The following SUSD1 variants were observed in gnomAD, a reference collection of about 807,000 sequenced individuals.
SUSD1 encodes sushi domain containing 1.
In SUSD1, 65 loss-of-function variants were observed where a neutral mutation model predicts 86.9. The observed-to-expected ratio is 0.75, with a 90% CI of 0.61 to 0.92. SUSD1 has a LOEUF of 0.92. Among genes scored for constraint, SUSD1 ranks in the 40% least tolerant of loss-of-function variants. The pLI is 0.00. For missense variants in SUSD1, 850 were observed against 929.7 expected (o/e 0.91, Z 1.11); for synonymous variants, 346 against 350.0 (o/e 0.99, Z 0.13).
intron 1 of SUSD1, among the ~76,000 whole-genome samples, chr9:112,166,455 T>C (rs1324462767): frequency 6.6e-6 from 1 of 152,188 alleles, no homozygotes; most frequent in Admixed American, 6.6e-5. Flanking sequence ...AGAATCTGCA[T>C]TTCTAAACTG....
chr9:112,080,696 AAAAAAAAAG>A (rs1456747578), intron 10 of SUSD1, among the ~76,000 whole-genome samples: 6 of 151,584 alleles, frequency 4.0e-5, no homozygotes, highest in Non-Finnish European at 8.8e-5. Context: ...TCAAGAAAAA[AAAAAAAAAG>A]AAAAGAAAAA....
chr9:112,170,079 C>T (rs995804970), intron 1 of SUSD1, among the ~76,000 whole-genome samples: 1 of 152,168 alleles, frequency 6.6e-6, no homozygotes, highest in Non-Finnish European at 1.5e-5. Context: ...GACCTAGCAT[C>T]CCATTTTAGG....
At chr9:112,070,780 C>T (rs1444826353) in intron 12 of SUSD1, among the ~76,000 whole-genome samples, 1 of 152,008 alleles carries the variant, frequency 6.6e-6, no homozygotes, top group Non-Finnish European at 1.5e-5. Flanking sequence ...AAAGTACACG[C>T]ACAGGACAGA....
At chr9:112,166,278 T>C (rs928413678) in intron 1 of SUSD1, among the ~76,000 whole-genome samples, 5 of 152,216 alleles carry the variant, frequency 3.3e-5, no homozygotes, top group African/African-American at 1.2e-4. Context: ...AAGAATCACC[T>C]GGAGACGGAG....
rs1831174261 is a variant in SUSD1 at position 112,113,148 on chromosome 9, G to T, written c.887-280C>A. On this transcript the variant is annotated intron_variant, in intron 6 of 16. Coordinates refer to ENST00000374270, the MANE Select transcript of SUSD1 (RefSeq NM_022486.5). This position sits in a 1 kb window ranked among gnomAD's most constrained non-coding sequence, Gnocchi z 4.1. ...CCTGTGATTCACCTGACAGGCCACT[G>T]GATGCCACTGGCATTCCACTCTGGT... Among the ~76,000 whole-genome samples the T allele has an allele frequency of 1.3e-5, 2 of 152,156 alleles. No individual in the cohort carries two copies. The highest frequency in any genetic ancestry group is 4.1e-4 in the South Asian group (2 of 4,822).
intron 5 of SUSD1, among the ~76,000 whole-genome samples, chr9:112,132,809 C>A (rs913204922): frequency 6.6e-6 from 1 of 152,164 alleles, no homozygotes; most frequent in African/African-American, 2.4e-5. Context: ...AAGGAACCTG[C>A]GACAAAGTTT....
Position 112,113,580 on chromosome 9 carries a change from C to T in SUSD1, c.887-712G>A, listed in dbSNP as rs1239510828. On this transcript the variant is annotated intron_variant, in intron 6 of 16. Transcript: ENST00000374270. The surrounding 1 kb of genome is among the most constrained non-coding windows in gnomAD (Gnocchi z 4.1). ...TAGTTTTCAGCATTCCCAGTCAACC[C>T]GCAAGTGGTTGTGCAGACAGGAAGA... Among the ~76,000 whole-genome samples the T allele has an allele frequency of 6.6e-6, 1 of 152,172 alleles. No homozygotes were observed.
intron 3 of SUSD1, among the ~76,000 whole-genome samples, chr9:112,146,847 G>C (rs557287295): frequency 6.6e-6 from 1 of 152,258 alleles, no homozygotes; most frequent in East Asian, 1.9e-4. Context: ...TGTTGCCCAA[G>C]CTGGTCTTGA....
intron 7 of SUSD1, among the ~76,000 whole-genome samples, chr9:112,112,534 G>A (rs941424837): frequency 2.0e-5 from 3 of 152,108 alleles, no homozygotes; most frequent in African/African-American, 7.2e-5. Context: ...TACTCAGGAG[G>A]CTGAGGCAGG....
intron 12 of SUSD1, among the ~76,000 whole-genome samples, chr9:112,075,933 G>C (rs1344466093): frequency 6.6e-6 from 1 of 152,138 alleles, no homozygotes; most frequent in Non-Finnish European, 1.5e-5. Context: ...AAGTCTGGAG[G>C]CTGGAAAAAC....
intron 1 of SUSD1, among the ~76,000 whole-genome samples, chr9:112,158,240 C>T (rs1833422388): frequency 6.6e-6 from 1 of 152,114 alleles, no homozygotes; most frequent in African/African-American, 2.4e-5. Context: ...CTTTCCCTAA[C>T]AGAATATCTA....
intron 10 of SUSD1, among the ~76,000 whole-genome samples, chr9:112,087,412 C>T (rs1830030977): frequency 1.3e-5 from 2 of 152,104 alleles, no homozygotes; most frequent in Admixed American, 1.3e-4. Context: ...AACTCTTGAC[C>T]TCAAGTGATC....
intron 1 of SUSD1, among the ~76,000 whole-genome samples, chr9:112,163,531 G>A (rs1368083717): frequency 6.6e-6 from 1 of 151,684 alleles, no homozygotes; most frequent in African/African-American, 2.4e-5. Context: ...CCAGCTACTT[G>A]TGAAGCTGAT....
chr9:112,042,643 A>G (rs1159435160), intron 15 of SUSD1, among the ~76,000 whole-genome samples: 1 of 152,248 alleles, frequency 6.6e-6, no homozygotes, highest in Non-Finnish European at 1.5e-5. Context: ...AGATTAGAGC[A>G]AAAATTTCAT....
intron 13 of SUSD1, among the ~76,000 whole-genome samples, chr9:112,059,699 T>C (rs1391528578): frequency 6.6e-6 from 1 of 152,230 alleles, no homozygotes; most frequent in African/African-American, 2.4e-5. Flanking sequence ...GTTTTTGTTA[T>C]GTGTTTCATT....
intron 15 of SUSD1, among the ~76,000 whole-genome samples, chr9:112,050,672 G>T (rs377206308): frequency 4.4e-4 from 67 of 152,236 alleles, no homozygotes; most frequent in African/African-American, 1.5e-3. Context: ...CCTGTTGCTA[G>T]GACCCACAAA....
intron 3 of SUSD1, among the ~76,000 whole-genome samples, chr9:112,147,874 T>C (rs1199054120): frequency 2.0e-5 from 3 of 152,160 alleles, no homozygotes; most frequent in African/African-American, 4.8e-5. Context: ...CTTCTTAATA[T>C]ACAAAATTTA....
chr9:112,068,342 G>A (rs781470542), intron 12 of SUSD1, among the ~76,000 whole-genome samples: 1 of 152,136 alleles, frequency 6.6e-6, no homozygotes, highest in Non-Finnish European at 1.5e-5. Flanking sequence ...AGAAGTAGGT[G>A]GTCAAGTTAG....
chr9:112,110,470 C>G (rs1415311091), intron 8 of SUSD1, among the ~76,000 whole-genome samples: 1 of 148,154 alleles, frequency 6.7e-6, no homozygotes, highest in Non-Finnish European at 1.5e-5. Flanking sequence ...GATCATAGCT[C>G]ACTGCAGCCT....
Sources: allele counts gnomAD v4.1 joint callset (sites outside exome capture counted in the v4.1 genomes callset), GRCh38; gene constraint gnomAD v4.1.1; non-coding constraint Gnocchi (gnomAD v3.1); transcripts MANE v1.5; gene names NCBI Gene and HGNC (gene_info 2026-07-23, HGNC 2026-07-21).